CTNND2: variants seen among roughly 807,000 people sequenced by gnomAD.
The protein encoded by CTNND2 is catenin delta-2.
Under a neutral mutation model 144.4 loss-of-function variants are expected in CTNND2, and 22 were observed. That is an observed-to-expected ratio of 0.15 (90% CI 0.11 to 0.22). CTNND2 has a LOEUF of 0.22. Among genes scored for constraint, CTNND2 ranks in the 10% least tolerant of loss-of-function variants. The probability of loss-of-function intolerance (pLI) is 1.00; values close to 1 mark genes in which losing one functional copy is unlikely to be tolerated. For missense variants in CTNND2, 1,353 were observed against 1,618.8 expected (o/e 0.84, Z 2.82); for synonymous variants, 751 against 695.6 (o/e 1.08, Z -1.25).
chr5:11,810,132 A>G (rs7702242), intron 1 of CTNND2, among the ~76,000 whole-genome samples: 2,650 of 152,284 alleles, frequency 0.017, 71 homozygotes, highest in African/African-American at 0.06. Flanking sequence ...AACATATTAA[A>G]TATTAGCATA....
At chr5:11,788,431 T>G (rs1790953943) in intron 1 of CTNND2, among the ~76,000 whole-genome samples, 2 of 152,170 alleles carry the variant, frequency 1.3e-5, no homozygotes, top group African/African-American at 4.8e-5. Context: ...AACTTGGAAT[T>G]TATGTGTTTA....
chr5:11,542,811 C>T (rs1364894810), intron 3 of CTNND2, among the ~76,000 whole-genome samples: 1 of 152,196 alleles, frequency 6.6e-6, no homozygotes, highest in Non-Finnish European at 1.5e-5. Flanking sequence ...CCTACCTCTG[C>T]TTTACGTGGG....
chr5:11,558,148 T>C (rs974487223), intron 3 of CTNND2, among the ~76,000 whole-genome samples: 2 of 152,210 alleles, frequency 1.3e-5, no homozygotes, highest in Middle Eastern at 3.2e-3. Context: ...AAGACTACAT[T>C]TTGGAAATTT....
intron 16 of CTNND2, among the ~76,000 whole-genome samples, chr5:11,042,854 G>A (rs191290955): frequency 2.8e-4 from 43 of 152,204 alleles, no homozygotes; most frequent in Admixed American, 1.2e-3. Context: ...ACATATAATG[G>A]GGCCCTAATT....
chr5:11,221,821 A>G (rs1739825815), intron 10 of CTNND2, among the ~76,000 whole-genome samples: 1 of 152,204 alleles, frequency 6.6e-6, no homozygotes, highest in Non-Finnish European at 1.5e-5. Context: ...GTCGGTAGCA[A>G]TAAGAAGCCA....
chr5:11,070,021 C>T (rs1748077977), intron 16 of CTNND2, among the ~76,000 whole-genome samples: 1 of 152,180 alleles, frequency 6.6e-6, no homozygotes, highest in Non-Finnish European at 1.5e-5. Context: ...TTACCAACTT[C>T]AGTCTATTCA....
chr5:11,716,366 T>A (rs1786352602), intron 2 of CTNND2, among the ~76,000 whole-genome samples: 3 of 152,222 alleles, frequency 2.0e-5, no homozygotes, highest in African/African-American at 7.2e-5. Context: ...ATTCATTTAT[T>A]TATGTGTATG....
chr5:11,794,601 T>C (rs1791305056), intron 1 of CTNND2, among the ~76,000 whole-genome samples: 2 of 152,238 alleles, frequency 1.3e-5, no homozygotes, highest in South Asian at 4.1e-4. Flanking sequence ...AAAGCATAAC[T>C]TATACATCTT....
intron 2 of CTNND2, among the ~76,000 whole-genome samples, chr5:11,660,577 AT>A (rs1246983312): frequency 1.3e-5 from 2 of 152,132 alleles, no homozygotes; most frequent in Admixed American, 6.6e-5. Context: ...CAGGTAGGCA[AT>A]GAGTGAGTTA....
In CTNND2 at chr5:11,061,323, G is replaced by A. The variant is rs112554925; in HGVS notation, c.2788+21373C>T. On this transcript the variant is annotated intron_variant, in intron 16 of 21. Coordinates refer to ENST00000304623, the MANE Select transcript of CTNND2 (RefSeq NM_001332.4). ...ACTGTCTAGTGTTCAACCAGCAGCC[G>A]GAGAGGACTTTTAGTAATAAACATC... 2.2e-3 allele frequency among the ~76,000 whole-genome samples: 334 copies of A among 152,230 alleles called. 3 individuals carry two copies. The highest frequency in any genetic ancestry group is 7.2e-3 in the African/African-American group (298 of 41,532).
At chr5:10,991,690 A>C (rs1738696493) in intron 19 of CTNND2, among the ~76,000 whole-genome samples, 2 of 152,356 alleles carry the variant, frequency 1.3e-5, no homozygotes, top group South Asian at 4.1e-4. Flanking sequence ...AATTAGAAAA[A>C]AATTAAATGG....
intron 10 of CTNND2, among the ~76,000 whole-genome samples, chr5:11,207,490 A>G: frequency 6.6e-6 from 1 of 152,290 alleles, no homozygotes; most frequent in South Asian, 2.1e-4. Flanking sequence ...CACTGTCTAT[A>G]AAGATGGACA....
chr5:11,172,919 G>A (rs1450329800), intron 11 of CTNND2, among the ~76,000 whole-genome samples: 1 of 152,230 alleles, frequency 6.6e-6, no homozygotes, highest in Non-Finnish European at 1.5e-5. Flanking sequence ...CAGTGGAAGT[G>A]AGGACTCCAG....
At chr5:11,499,710 T>C (rs147727512) in intron 3 of CTNND2, among the ~76,000 whole-genome samples, 1 of 152,166 alleles carries the variant, frequency 6.6e-6, no homozygotes, top group Admixed American at 6.5e-5. Context: ...CATATAAAAA[T>C]TTCTCTTGTC....
At chr5:11,690,005 A>G (rs1784821285) in intron 2 of CTNND2, among the ~76,000 whole-genome samples, 1 of 152,250 alleles carries the variant, frequency 6.6e-6, no homozygotes, top group Non-Finnish European at 1.5e-5. Flanking sequence ...ATAGTCAAAC[A>G]TCAGGGGAAA....
intron 7 of CTNND2, among the ~76,000 whole-genome samples, chr5:11,374,881 T>G (rs1399003620): frequency 6.7e-6 from 1 of 148,464 alleles, no homozygotes; most frequent in East Asian, 2.1e-4. Flanking sequence ...CTTTCCAGAG[T>G]GCTGACTGCT....
chr5:11,886,202 A>C (rs1251847790), intron 1 of CTNND2, among the ~76,000 whole-genome samples: 1 of 152,068 alleles, frequency 6.6e-6, no homozygotes, highest in Non-Finnish European at 1.5e-5. Context: ...CAAAAATATA[A>C]AATATCAATG....
At chr5:11,554,520 C>G (rs1199869926) in intron 3 of CTNND2, among the ~76,000 whole-genome samples, 5 of 148 alleles carry the variant, frequency 0.034, no homozygotes, top group Admixed American at 0.31. Context: ...TTCTCTATAT[C>G]TCAATGTTCT....
intron 16 of CTNND2, among the ~76,000 whole-genome samples, chr5:11,077,702 G>A (rs543914864): frequency 7.9e-5 from 12 of 152,226 alleles, no homozygotes; most frequent in African/African-American, 2.6e-4. Flanking sequence ...ACCATCTAGG[G>A]TGAAGGAAGC....
Sources: allele counts gnomAD v4.1 joint callset (sites outside exome capture counted in the v4.1 genomes callset), GRCh38; gene constraint gnomAD v4.1.1; transcripts MANE v1.5; gene names NCBI Gene and HGNC (gene_info 2026-07-23, HGNC 2026-07-21).